TXNDC5: variants seen among roughly 807,000 people sequenced by gnomAD.
TXNDC5 encodes thioredoxin domain-containing protein 5.
In TXNDC5, 44 loss-of-function variants were observed where a neutral mutation model predicts 52.6. That is an observed-to-expected ratio of 0.84 (90% CI 0.66 to 1.08). The LOEUF (loss-of-function observed/expected upper bound fraction) is 1.08. Ranked by LOEUF, TXNDC5 falls within the 50% of genes least tolerant of loss-of-function variation. The pLI, the probability that TXNDC5 is intolerant of heterozygous loss-of-function variation, is 0.00. For missense variants in TXNDC5, 600 were observed against 565.5 expected, an observed-to-expected ratio of 1.06 and a Z score of -0.62; for synonymous variants, 241 against 234.4, an observed-to-expected ratio of 1.03 and a Z score of -0.26.
intron 9 of TXNDC5, 22 bp downstream of exon 9, chr6:7,884,337 A>C: frequency 6.2e-7 from 1 of 1,613,664 alleles, no homozygotes; most frequent in Non-Finnish European, 8.5e-7. Flanking sequence ...GAGCTCCCAT[A>C]AGCATCCATC....
chr6:7,904,307 G>A (rs1760667272), intron 2 of TXNDC5, among the ~76,000 whole-genome samples: 1 of 152,228 alleles, frequency 6.6e-6, no homozygotes, highest in Admixed American at 6.5e-5. Context: ...AAAATGTACC[G>A]GTGAACATCT....
chr6:7,884,621 A>G (rs756598930), intron 8 of TXNDC5, 133 bp from the exon 9 acceptor site: 207 of 1,268,556 alleles, frequency 1.6e-4, no homozygotes, highest in Admixed American at 4.1e-4. Flanking sequence ...TAAAATACCA[A>G]ATTCTCCCAC....
chr6:7,895,147 T>C lies in TXNDC5; in HGVS notation c.575A>G (p.Tyr192Cys), dbSNP rs1401541707. The C allele has an allele frequency of 5.6e-6, 9 of 1,613,794 alleles. No homozygotes were observed. The highest frequency in any genetic ancestry group is 4.0e-5 in the African/African-American group (3 of 74,928). ...CTCAAAGTTGCTTGCTGAGAGCTCATACAGCCCTTGCTTGAGCTCGGGGGC... is the reference window on the plus strand; with the variant it reads ...CTCAAAGTTGCTTGCTGAGAGCTCACACAGCCCTTGCTTGAGCTCGGGGGC... Reference protein sequence around the residue: ...PSAPELKQGLYELSASNFELH... With the variant: ...PSAPELKQGLCELSASNFELH... The change falls in exon 4 of 10, where the codon TAT becomes TGT. Residue 192 changes from tyrosine (Y) to cysteine (C), a missense_variant. Physicochemically the swap from Tyr to Cys is radical, Grantham distance 194. Coordinates refer to ENST00000379757, the MANE Select transcript of TXNDC5 (RefSeq NM_030810.5).
At chr6:7,884,323 CT>C in intron 9 of TXNDC5, 35 bp downstream of exon 9, 1 of 1,612,936 alleles carries the variant, frequency 6.2e-7, no homozygotes, top group South Asian at 1.1e-5. Flanking sequence ...TGCCCCCATA[CT>C]GAGAGCTCCC....
At chr6:7,903,195 A>C (rs1760623996) in intron 2 of TXNDC5, among the ~76,000 whole-genome samples, 1 of 152,244 alleles carries the variant, frequency 6.6e-6, no homozygotes, top group South Asian at 2.1e-4. Flanking sequence ...ATCTCTGCTC[A>C]CTACCTGCTT....
intron 2 of TXNDC5, among the ~76,000 whole-genome samples, chr6:7,901,209 A>C (rs1760555428): frequency 3.3e-5 from 5 of 152,300 alleles, no homozygotes; most frequent in Admixed American, 2.6e-4. Flanking sequence ...CAACATGATA[A>C]GCAACTGCAA....
rs1490579324 is a variant in TXNDC5 at position 7,910,496 on chromosome 6, C to T, written c.263+18G>A. ...AAGCGCCAAGTGCGGGGCAGGGCGC[C>T]GGCCTGCGCGGCGTTACCAGGGCGC... On this transcript the variant is annotated intron_variant, in intron 1 of 9. Transcript: ENST00000379757. 6 of 1,424,430 alleles carry T rather than the reference C, an allele frequency of 4.2e-6. No individual in the cohort carries two copies. The highest frequency in any genetic ancestry group is 5.6e-6 in the Non-Finnish European group (6 of 1,076,100). The allele number at this position is 1,424,430 out of a possible 1,614,324, so 88.2% of individuals were successfully genotyped here.
intron 9 of TXNDC5, among the ~76,000 whole-genome samples, chr6:7,883,706 T>G (rs1453959817): frequency 6.6e-6 from 1 of 152,212 alleles, no homozygotes; most frequent in Admixed American, 6.5e-5. Flanking sequence ...AACTCGTTTC[T>G]AAGAATTTTA....
intron 2 of TXNDC5, among the ~76,000 whole-genome samples, chr6:7,903,695 GA>G (rs1463154766): frequency 3.3e-5 from 5 of 152,202 alleles, no homozygotes; most frequent in African/African-American, 1.2e-4. Context: ...AAATTGTATA[GA>G]ATTGACTTCA....
At chr6:7,905,965 A>G (rs986202231) in intron 1 of TXNDC5, among the ~76,000 whole-genome samples, 6 of 152,250 alleles carry the variant, frequency 3.9e-5, no homozygotes, top group Non-Finnish European at 7.3e-5. Context: ...TTAAGTCGGT[A>G]GCAGTGGCTC....
Position 7,882,281 on chromosome 6 carries a change from C to CAAAT in TXNDC5, c.*859_*862dup, listed in dbSNP as rs1003153629. On this transcript the variant is annotated 3_prime_UTR_variant, in exon 10 of 10. Transcript: ENST00000379757. ...TGTCTGGTCTTGTCACCCCAGGTGA[C>CAAAT]AAATACAACTGGAATCTTTCAATGA... The CAAAT allele has an allele frequency of 2.6e-5, 4 of 152,408 alleles. No individual in the cohort carries two copies. The highest frequency in any genetic ancestry group is 9.7e-5 in the African/African-American group (4 of 41,438). The allele number at this position is 152,408 out of a possible 1,614,324, so 9.4% of individuals were successfully genotyped here. A position where few individuals can be genotyped will look rare whatever the true frequency, so the allele number is the denominator to read the frequency against.
chr6:7,910,637 T>TACG lies in TXNDC5; in HGVS notation c.139_140insCGT (p.Asp47delinsAlaTyr). On this transcript the variant is annotated protein_altering_variant, in exon 1 of 10. Transcript: ENST00000379757. Reference sequence around the variant, plus strand: ...CTCGCCGTCTGCCGCGGGGGGCCCGTCCGCCGCCGCCGCCGCCGCCTCCTG... The same window carrying TACG: ...CTCGCCGTCTGCCGCGGGGGGCCCGTACGCCGCCGCCGCCGCCGCCGCCTCCTG... 1 of 1,234,280 alleles carries TACG rather than the reference T, an allele frequency of 8.1e-7. No individual in the cohort carries two copies. Among genetic ancestry groups the TACG allele is most frequent in the Non-Finnish European group, 1.0e-6 (1 of 964,326 alleles). The allele number at this position is 1,234,280 out of a possible 1,614,324, so 76.5% of individuals were successfully genotyped here. A position where few individuals can be genotyped will look rare whatever the true frequency, so the allele number is the denominator to read the frequency against.
intron 4 of TXNDC5, among the ~76,000 whole-genome samples, chr6:7,894,375 T>C (rs1320777086): frequency 6.6e-6 from 1 of 152,044 alleles, no homozygotes; most frequent in African/African-American, 2.4e-5. Context: ...GCTGGGATGA[T>C]AGGCATGAGC....
At chr6:7,909,891 G>A in intron 1 of TXNDC5, 2 of 986,018 alleles carry the variant, frequency 2.0e-6, no homozygotes, top group Non-Finnish European at 2.4e-6. Flanking sequence ...CCCGGTGGCC[G>A]CGGCAGCAGC....
intron 5 of TXNDC5, 149 bp from the exon 6 acceptor site, chr6:7,889,730 G>A: frequency 1.6e-6 from 1 of 607,972 alleles, no homozygotes; most frequent in Non-Finnish European, 2.9e-6. Flanking sequence ...TTTTTGAAGA[G>A]AATGTTCCTG....
rs564845338 is a variant in TXNDC5 at position 7,882,890 on chromosome 6, A to T, written c.*254T>A. 2 of 402,652 alleles carry T rather than the reference A, an allele frequency of 5.0e-6. No individual in the cohort carries two copies. The highest frequency in any genetic ancestry group is 8.9e-6 in the Non-Finnish European group (2 of 225,566). The allele number at this position is 402,652 out of a possible 1,614,324, so 24.9% of individuals were successfully genotyped here. A position where few individuals can be genotyped will look rare whatever the true frequency, so the allele number is the denominator to read the frequency against. On this transcript the variant is annotated 3_prime_UTR_variant, in exon 10 of 10. Transcript: ENST00000379757. The stretch of plus-strand genomic sequence containing the variant: ...ATGTAAATTTCATCAAGAGAAGGTC[A>T]AAGGGGATATATCGCCACTGAAAAT...
intron 9 of TXNDC5, 98 bp from the exon 10 acceptor site, chr6:7,883,364 G>A (rs1020766253): frequency 3.8e-6 from 6 of 1,560,840 alleles, no homozygotes; most frequent in African/African-American, 2.7e-5. Context: ...CGTTGTGGCT[G>A]GAAAAATTCT....
chr6:7,898,355 C>T (rs905878939), intron 3 of TXNDC5, among the ~76,000 whole-genome samples: 3 of 152,160 alleles, frequency 2.0e-5, no homozygotes, highest in East Asian at 3.8e-4. Context: ...CACACCCAGC[C>T]GAGTTGAGAG....
At position 7,910,045 on chromosome 6, in the gene TXNDC5, C is replaced by T. The variant is rs985409275; in HGVS notation, c.263+469G>A. On this transcript the variant is annotated intron_variant, in intron 1 of 9. Coordinates refer to ENST00000379757, the MANE Select transcript of TXNDC5 (RefSeq NM_030810.5). ...AGGGCGACGACCCCACCTTCCCCTCCCTCGGTGCCGAGGTGCAAGAGGCGG... is the reference window on the plus strand; with the variant it reads ...AGGGCGACGACCCCACCTTCCCCTCTCTCGGTGCCGAGGTGCAAGAGGCGG... 11 of 986,140 alleles carry T rather than the reference C, an allele frequency of 1.1e-5. No individual in the cohort carries two copies. The Middle Eastern group carries it at 1.5e-3, about 139-fold the overall frequency. The allele number at this position is 986,140 out of a possible 1,614,324, so 61.1% of individuals were successfully genotyped here. A position where few individuals can be genotyped will look rare whatever the true frequency, so the allele number is the denominator to read the frequency against.
Sources: allele counts gnomAD v4.1 joint callset (sites outside exome capture counted in the v4.1 genomes callset), GRCh38; gene constraint gnomAD v4.1.1; transcripts MANE v1.5; gene names NCBI Gene and HGNC (gene_info 2026-07-23, HGNC 2026-07-21).